HEATR1: variants seen among roughly 807,000 people sequenced by gnomAD.
HEATR1 encodes the protein HEAT repeat-containing protein 1.
A neutral mutation model predicts 248.2 loss-of-function variants in HEATR1; 77 were observed. The ratio of observed to expected loss-of-function variants is 0.31; its 90% CI spans 0.26 to 0.37. The LOEUF is 0.37. HEATR1 is among the 10% of genes least tolerant of loss of function. The pLI is 1.00. For missense variants in HEATR1, 2,420 were observed against 2,504.9 expected, an observed-to-expected ratio of 0.97 and a Z score of 0.72; for synonymous variants, 897 against 923.1, an observed-to-expected ratio of 0.97 and a Z score of 0.51.
intron 24 of HEATR1, among the ~76,000 whole-genome samples, chr1:236,573,538 T>TA (rs1362890170): frequency 3.2e-5 from 1 of 31,720 alleles, no homozygotes; most frequent in African/African-American, 5.7e-5. Context: ...AAGGAATTAT[T>TA]TTTTTTTTTA....
rs1195770041 is a variant in HEATR1, at chr1:236,559,738, A to G, written c.4746T>C (p.Ser1582=). 6.2e-7 allele frequency: 1 copy of G among 1,613,952 alleles called. No homozygotes were observed. Among genetic ancestry groups the G allele is most frequent in the Non-Finnish European group, 8.5e-7 (1 of 1,179,852 alleles). ...LTVKFWRALL[S]KAYDLLDKVN... ...CCTTATCTAACAGGTCGTAAGCTTT[A>G]CTAAGGAGCGCGCGCCAGAACTTCA... Residue 1582 remains serine (S), a synonymous_variant, in exon 34 of 45, where the codon AGT becomes AGC. Transcript: ENST00000366582.
Position 236,576,942 on chromosome 1 carries a change from T to A in HEATR1, c.2763A>T (p.Thr921=). The A allele has an allele frequency of 4.4e-6, 7 of 1,575,050 alleles. No individual in the cohort carries two copies. Among genetic ancestry groups the A allele is most frequent in the Non-Finnish European group, 6.0e-6 (7 of 1,166,486 alleles). ...GGCTTCCCAGGTTAATGAGTAAAGA[T>A]GTCACCACTAAAATCAAAGGAAAAA... ...QLASISSPVV[T]SLLINLGSPV... Residue 921 remains threonine, a synonymous_variant, in exon 21 of 45, where the codon ACA becomes ACT. Transcript: ENST00000366582.
rs549818738 is a variant in HEATR1 at position 236,549,033 on chromosome 1, A to G, written c.*1869T>C. The G allele has an allele frequency of 1.0e-5, 4 of 398,646 alleles. No individual in the cohort carries two copies. In the South Asian group the frequency reaches 5.1e-4, roughly 51 times the overall value. 24.7% of individuals were successfully genotyped at this position (398,646 alleles called of 1,614,324 possible). A position where few individuals can be genotyped will look rare whatever the true frequency, so the allele number is the denominator to read the frequency against. On this transcript the variant is annotated 3_prime_UTR_variant, in exon 45 of 45. Coordinates refer to ENST00000366582, the MANE Select transcript of HEATR1 (RefSeq NM_018072.6). ...AATTTGAAAGATATTTATGGGCAAC[A>G]AAGTAAGGTCAGGATTAGACTTCAG...
chr1:236,551,813 C>A, intron 44 of HEATR1, 186 bp downstream of exon 44: 1 of 551,958 alleles, frequency 1.8e-6, no homozygotes, highest in Non-Finnish European at 3.2e-6. Flanking sequence ...CAACTTGCTC[C>A]CTCCACCCAA....
At chr1:236,564,749 A>G in intron 31 of HEATR1, 88 bp from the exon 32 acceptor site, 3 of 1,211,158 alleles carry the variant, frequency 2.5e-6, no homozygotes, top group Non-Finnish European at 3.4e-6. Context: ...CAAGTAAAGG[A>G]CAATTAACGG....
intron 12 of HEATR1, among the ~76,000 whole-genome samples, chr1:236,589,206 T>C (rs770815726): frequency 4.6e-5 from 7 of 152,246 alleles, no homozygotes; most frequent in Non-Finnish European, 8.8e-5. Flanking sequence ...AAACAGAAGA[T>C]TCCAGGACTC....
chr1:236,594,428 T>C (rs1239220255), intron 8 of HEATR1, among the ~76,000 whole-genome samples: 1 of 152,210 alleles, frequency 6.6e-6, no homozygotes, highest in African/African-American at 2.4e-5. Flanking sequence ...TTAGTTGTGA[T>C]GGTGCCAATC....
In HEATR1 at chr1:236,597,939, T is replaced by C; in HGVS notation, c.542A>G (p.His181Arg). The part of the protein sequence containing the change: ...VPLAKGTLIT[H>R]CYKDLGFMDF... The stretch of plus-strand genomic sequence containing the variant: ...CATGAATCCAAGATCTTTGTAGCAG[T>C]GGGTAATCAAAGTTCCTTTAGCTAA... Residue 181 changes from histidine (H) to arginine (R), a missense_variant, in exon 5 of 45, where the codon CAC becomes CGC. His to Arg is a conservative substitution (Grantham distance 29). Transcript: ENST00000366582. The C allele has an allele frequency of 6.2e-7, 1 of 1,613,806 alleles. No homozygotes were observed. Among genetic ancestry groups the C allele is most frequent in the Non-Finnish European group, 8.5e-7 (1 of 1,179,884 alleles).
chr1:236,603,973 C>T lies in HEATR1; in HGVS notation c.123G>A (p.Arg41=), dbSNP rs759899226. Reference sequence around the variant, plus strand: ...GCTCACCAATGGCGAAGGCGGTGTCCCTGTCGATTGTGGCCGCTTCCTTAG... The same window carrying T: ...GCTCACCAATGGCGAAGGCGGTGTCTCTGTCGATTGTGGCCGCTTCCTTAG... ...FDPKEAATID[R]DTAFAIGCTG... Residue 41 remains arginine (R), a synonymous_variant, in exon 2 of 45, where the codon AGG becomes AGA. Coordinates refer to ENST00000366582, the MANE Select transcript of HEATR1 (RefSeq NM_018072.6). 1 of 1,596,842 alleles carries T rather than the reference C, an allele frequency of 6.3e-7. No homozygotes were observed. The highest frequency in any genetic ancestry group is 1.8e-5 in the Admixed American group (1 of 55,074).
At chr1:236,588,417 T>C (rs1001624164) in intron 12 of HEATR1, among the ~76,000 whole-genome samples, 2 of 152,236 alleles carry the variant, frequency 1.3e-5, no homozygotes, top group African/African-American at 4.8e-5. Context: ...GTTGTGTAAC[T>C]TTAGTCAAGT....
intron 3 of HEATR1, among the ~76,000 whole-genome samples, chr1:236,600,118 A>AT (rs67344658): frequency 0.39 from 19,348 of 50,170 alleles, 7,254 homozygotes; most frequent in Non-Finnish European, 0.53. Flanking sequence ...GTCTGTCAAC[A>AT]TTTTTTTTTT....
At chr1:236,602,441 AG>A (rs1664351076) in intron 3 of HEATR1, among the ~76,000 whole-genome samples, 1 of 152,244 alleles carries the variant, frequency 6.6e-6, no homozygotes, top group Non-Finnish European at 1.5e-5. Flanking sequence ...AGTGCTTACC[AG>A]GGCCTAGTGT....
chr1:236,579,941 C>G (rs1572044167), intron 20 of HEATR1, among the ~76,000 whole-genome samples: 1 of 132,290 alleles, frequency 7.6e-6, no homozygotes, highest in South Asian at 2.3e-4. Context: ...AAAAAAACAA[C>G]AAGAAACAAA....
intron 9 of HEATR1, 32 bp from the exon 10 acceptor site, chr1:236,592,665 C>T: frequency 1.2e-6 from 1 of 854,230 alleles, no homozygotes; most frequent in Non-Finnish European, 1.9e-6. Flanking sequence ...TATCAGCATA[C>T]ATAAGAGTTA....
chr1:236,598,718 T>G (rs1218030280), intron 4 of HEATR1, among the ~76,000 whole-genome samples: 1 of 152,214 alleles, frequency 6.6e-6, no homozygotes, highest in East Asian at 1.9e-4. Flanking sequence ...TTCTGAACAC[T>G]GACCCCACTA....
chr1:236,585,068 A>G lies in HEATR1; in HGVS notation c.2198T>C (p.Leu733Ser). The change falls in exon 17 of 45, where the codon TTG becomes TCG. Residue 733 changes from leucine to serine, a missense_variant. Physicochemically the swap from Leu to Ser is moderately radical, Grantham distance 145. Transcript: ENST00000366582. ...TTCAAGCTTCTTTATTTTTTTCTGC[A>G]ACAAACTGAAGACTCTTATCGCAAA... ...FPFAIRVFSLLQKKIKKLESV... is the reference protein window; with the variant it reads ...FPFAIRVFSLSQKKIKKLESV... 1 of 1,613,552 alleles carries G rather than the reference A, an allele frequency of 6.2e-7. No homozygotes were observed. Among genetic ancestry groups the G allele is most frequent in the Non-Finnish European group, 8.5e-7 (1 of 1,179,766 alleles).
intron 24 of HEATR1, 72 bp from the exon 25 acceptor site, chr1:236,572,900 C>CAATCGGAAGAG: frequency 7.6e-7 from 1 of 1,324,160 alleles, no homozygotes; most frequent in Admixed American, 1.7e-5. Flanking sequence ...AATGTTAACC[C>CAATCGGAAGAG]CTAGGAAGGA....
chr1:236,574,524 T>C (rs1031231419), intron 23 of HEATR1, 137 bp downstream of exon 23: 2 of 1,251,722 alleles, frequency 1.6e-6, no homozygotes, highest in Middle Eastern at 2.5e-4. Context: ...TCATTTTCCT[T>C]TAAAACGTCT....
At chr1:236,580,761 C>G (rs1276385454) in intron 20 of HEATR1, among the ~76,000 whole-genome samples, 9 of 151,470 alleles carry the variant, frequency 5.9e-5, no homozygotes, top group Non-Finnish European at 1.2e-4. Context: ...AAGTGATCCT[C>G]CTGCCTTAGC....
Sources: allele counts gnomAD v4.1 joint callset (sites outside exome capture counted in the v4.1 genomes callset), GRCh38; gene constraint gnomAD v4.1.1; transcripts MANE v1.5; gene names NCBI Gene and HGNC (gene_info 2026-07-23, HGNC 2026-07-21).